The following PHKA1 variants were observed in gnomAD, a reference collection of about 807,000 sequenced individuals.
PHKA1 encodes phosphorylase kinase regulatory subunit alpha 1.
Under a neutral mutation model 110.2 loss-of-function variants are expected in PHKA1, and 60 were observed. The ratio of observed to expected loss-of-function variants is 0.54; its 90% CI spans 0.44 to 0.68. The LOEUF (loss-of-function observed/expected upper bound fraction) is 0.68. Among genes scored for constraint, PHKA1 ranks in the 30% least tolerant of loss-of-function variants. PHKA1 has a pLI of 0.00. For synonymous variants in PHKA1, 316 were observed against 333.6 expected, an observed-to-expected ratio of 0.95 and a Z score of 0.58; for missense variants, 801 against 942.5, an observed-to-expected ratio of 0.85 and a Z score of 1.97.
intron 10 of PHKA1, 147 bp downstream of exon 10, chrX:72,655,973 T>C: frequency 1.5e-6 from 1 of 669,166 alleles, no homozygotes; most frequent in Non-Finnish European, 2.3e-6. Context: ...CTTTTTACTC[T>C]TAGTGCCCTC....
intron 14 of PHKA1, among the ~76,000 whole-genome samples, chrX:72,642,206 G>A (rs7887990): frequency 0.024 from 2,686 of 111,533 alleles, 71 homozygotes; most frequent in African/African-American, 0.083. Flanking sequence ...AAATAGTAAG[G>A]AGATTGCTTC....
intron 14 of PHKA1, among the ~76,000 whole-genome samples, chrX:72,639,272 G>T (rs1284156067): frequency 8.9e-6 from 1 of 111,791 alleles, no homozygotes; most frequent in Non-Finnish European, 1.9e-5. Context: ...AGTGGTTCAC[G>T]CCTGTAATTC....
At chrX:72,613,981 A>T (rs1363145403) in intron 21 of PHKA1, among the ~76,000 whole-genome samples, 1 of 111,808 alleles carries the variant, frequency 8.9e-6, no homozygotes, top group African/African-American at 3.2e-5. Flanking sequence ...ATAAATGGAG[A>T]CTCAAGACAC....
intron 13 of PHKA1, among the ~76,000 whole-genome samples, chrX:72,645,806 G>A (rs2053353280): frequency 8.9e-6 from 1 of 112,071 alleles, no homozygotes; most frequent in Admixed American, 9.4e-5. Flanking sequence ...GACCTGCTAG[G>A]TAAATAGAGA....
In PHKA1 at chrX:72,623,282, A is replaced by G; in HGVS notation, c.1794-7T>C. 8.3e-7 allele frequency: 1 copy of G among 1,200,444 alleles called. No individual in the cohort carries two copies. The highest frequency in any genetic ancestry group is 1.1e-6 in the Non-Finnish European group (1 of 885,901). On this transcript the variant is annotated splice_region_variant and splice_polypyrimidine_tract_variant and intron_variant, in intron 17 of 31. Transcript: ENST00000373542. ...CAATTTACCTGTTTGAACCCTAAAA[A>G]TTAGAGGAGGATAGAAAACAGAAAA... is the stretch of plus-strand genomic sequence containing the variant.
chrX:72,613,287 T>C (rs2052839924), intron 21 of PHKA1, among the ~76,000 whole-genome samples: 1 of 111,061 alleles, frequency 9.0e-6, no homozygotes, highest in Non-Finnish European at 1.9e-5. Context: ...GAGCTGTGTG[T>C]ATACTATGCT....
At chrX:72,713,712 A>C (rs2054420712) in intron 1 of PHKA1, 91 bp downstream of exon 1, 1 of 684,662 alleles carries the variant, frequency 1.5e-6, no homozygotes, top group Admixed American at 2.4e-5. Context: ...CCACACACGC[A>C]CGCACGCACG....
intron 29 of PHKA1, among the ~76,000 whole-genome samples, chrX:72,585,878 C>T (rs911678532): frequency 3.6e-5 from 4 of 112,273 alleles, no homozygotes; most frequent in East Asian, 5.6e-4. Context: ...GAGGGGTGTC[C>T]GCCATTGCTG....
rs1318484283 is a variant in PHKA1, at chrX:72,612,594, T to G, written c.2370-1410A>C. Among the ~76,000 whole-genome samples, 5 of 112,193 alleles carry G rather than the reference T, an allele frequency of 4.5e-5. No individual in the cohort carries two copies. The East Asian group carries it at 1.4e-3, about 31-fold the overall frequency. Reference sequence around the variant, plus strand: ...TTGTGAATTCTGGCAACAATTCAAATGTTCATCAATAAGAGGCTGGCTAAG... The same window carrying G: ...TTGTGAATTCTGGCAACAATTCAAAGGTTCATCAATAAGAGGCTGGCTAAG... On this transcript the variant is annotated intron_variant, in intron 21 of 31. Transcript: ENST00000373542.
At chrX:72,657,699 A>G in intron 8 of PHKA1, 58 bp from the exon 9 acceptor site, 1 of 928,895 alleles carries the variant, frequency 1.1e-6, no homozygotes. Flanking sequence ...CATGTAATTA[A>G]TCAGAAATAC....
chrX:72,658,068 G>C (rs1395049448), intron 8 of PHKA1, among the ~76,000 whole-genome samples: 1 of 111,977 alleles, frequency 8.9e-6, no homozygotes, highest in East Asian at 2.8e-4. Context: ...TTACAGAAGA[G>C]TTGCAAAAAC....
Position 72,581,068 on chromosome X carries a change from G to A in PHKA1, c.3606C>T (p.Tyr1202=). The change falls in exon 32 of 32, where the codon TAC becomes TAT. Residue 1202 remains tyrosine (Y), a synonymous_variant. Transcript: ENST00000373542. ...CGTAGGTGGCGGCTGCCTTGGAGAG[G>A]TAGGTCATGGTGCCAAACCTGCCAC... is the stretch of plus-strand genomic sequence containing the variant. ...APSGRFGTMT[Y]LSKAAATYVQ... is the part of the protein sequence containing the mutation. 8.3e-7 allele frequency: 1 copy of A among 1,208,604 alleles called. No individual in the cohort carries two copies. The highest frequency in any genetic ancestry group is 1.1e-6 in the Non-Finnish European group (1 of 892,712).
intron 3 of PHKA1, among the ~76,000 whole-genome samples, chrX:72,700,502 T>C (rs1556329063): frequency 8.9e-6 from 1 of 111,988 alleles, no homozygotes; most frequent in Non-Finnish European, 1.9e-5. Flanking sequence ...AAATATGTTA[T>C]TGGTATGTGT....
chrX:72,587,969 C>T (rs1556217119), intron 29 of PHKA1, among the ~76,000 whole-genome samples: 3 of 111,385 alleles, frequency 2.7e-5, no homozygotes, highest in Admixed American at 1.9e-4. Context: ...CTCAGACTCC[C>T]ACACAATAAT....
At position 72,579,657 on chromosome X, in the gene PHKA1, A is replaced by G. The variant is rs1391290107; in HGVS notation, c.*1345T>C. On this transcript the variant is annotated 3_prime_UTR_variant, in exon 32 of 32. Coordinates refer to ENST00000373542, the MANE Select transcript of PHKA1 (RefSeq NM_002637.4). ...TCTCTCACATGCAACATTCTTACTC[A>G]GTCCATCAAATGTAGATACAGATTG... 9.0e-6 allele frequency: 1 copy of G among 111,289 alleles called. No homozygotes were observed. Among genetic ancestry groups the G allele is most frequent in the Non-Finnish European group, 1.9e-5 (1 of 53,050 alleles). The allele number at this position is 111,289 out of a possible 1,213,427, so 9.2% of individuals were successfully genotyped here. A position where few individuals can be genotyped will look rare whatever the true frequency, so the allele number is the denominator to read the frequency against.
intron 16 of PHKA1, among the ~76,000 whole-genome samples, chrX:72,632,096 A>G (rs1175919789): frequency 5.4e-5 from 6 of 111,713 alleles, no homozygotes; most frequent in African/African-American, 2.0e-4. Flanking sequence ...TATCGTTTGT[A>G]TGATTTCTAC....
chrX:72,591,125 C>T (rs782286522), intron 29 of PHKA1, among the ~76,000 whole-genome samples: 26 of 111,753 alleles, frequency 2.3e-4, no homozygotes, highest in African/African-American at 7.8e-4. Flanking sequence ...ATGTTTATTG[C>T]GGCACTATTC....
chrX:72,709,672 T>C lies in PHKA1; in HGVS notation c.237+3107A>G, dbSNP rs1174430254. Among the ~76,000 whole-genome samples the C allele has an allele frequency of 2.7e-5, 3 of 110,662 alleles. No homozygotes were observed. The Admixed American group carries it at 2.9e-4, about 11-fold the overall frequency. ...TCACCCGGGTAGTTTTTTAAAAATA[T>C]TGATGCTACTGAGCTCCACTTCCAG... is the stretch of plus-strand genomic sequence containing the variant. On this transcript the variant is annotated intron_variant, in intron 2 of 31. Coordinates refer to ENST00000373542, the MANE Select transcript of PHKA1 (RefSeq NM_002637.4).
chrX:72,702,038 C>G (rs975948889), intron 3 of PHKA1, among the ~76,000 whole-genome samples: 4 of 111,621 alleles, frequency 3.6e-5, no homozygotes, highest in Admixed American at 9.5e-5. Flanking sequence ...ATAATGTTTT[C>G]AACTTTTTCC....
Sources: gnomAD v4.1 joint callset for allele counts (sites outside exome capture counted in the v4.1 genomes callset) on GRCh38, gnomAD v4.1.1 for gene constraint, MANE v1.5 for transcripts, NCBI Gene and HGNC (gene_info 2026-07-23, HGNC 2026-07-21) for gene names.